The following SETDB2 variants were observed in gnomAD, a reference collection of about 807,000 sequenced individuals.
SETDB2 encodes SET domain bifurcated histone lysine methyltransferase 2.
In SETDB2, 56 loss-of-function variants were observed where a neutral mutation model predicts 82.5. That is an observed-to-expected ratio of 0.68 (90% CI 0.55 to 0.85). The LOEUF is 0.85. Among genes scored for constraint, SETDB2 ranks in the 40% least tolerant of loss-of-function variants. The pLI is 0.00. For synonymous variants in SETDB2, 272 were observed against 284.9 expected, an observed-to-expected ratio of 0.95 and a Z score of 0.46; for missense variants, 677 against 816.4, an observed-to-expected ratio of 0.83 and a Z score of 2.08.
At chr13:49,461,674 G>A (rs558300195) in intron 4 of SETDB2, among the ~76,000 whole-genome samples, 1 of 152,294 alleles carries the variant, frequency 6.6e-6, no homozygotes, top group East Asian at 1.9e-4. Flanking sequence ...TCCATGCCAT[G>A]CAATTCTCCA....
In SETDB2 at chr13:49,477,139, C is replaced by T; in HGVS notation, c.869+100C>T. ...TTAATTTGTCTATCTAAAACCTGTT[C>T]AAGAGTTACAGTAAGACTGGGCGTG... On this transcript the variant is annotated intron_variant, in intron 6 of 13. Transcript: ENST00000611815. The T allele has an allele frequency of 6.1e-6, 7 of 1,140,266 alleles. 1 individual carries two copies. In the South Asian group the frequency reaches 1.2e-4, roughly 19 times the overall value. 70.6% of individuals were successfully genotyped at this position (1,140,266 alleles called of 1,614,324 possible). A position where few individuals can be genotyped will look rare whatever the true frequency, so the allele number is the denominator to read the frequency against.
intron 1 of SETDB2, chr13:49,445,977 C>T (rs1957674950): frequency 5.9e-6 from 1 of 170,026 alleles, no homozygotes; most frequent in Non-Finnish European, 1.2e-5. Flanking sequence ...CGGTGGGTGG[C>T]TCACATCTAT....
chr13:49,446,568 G>T, intron 1 of SETDB2: 2 of 314,398 alleles, frequency 6.4e-6, no homozygotes, highest in South Asian at 5.1e-5. Context: ...TCATTCTGTA[G>T]CTTTATTTCT....
rs370178131 is a variant in SETDB2 at position 49,490,934 on chromosome 13, T to C, written c.2006+24T>C. On this transcript the variant is annotated intron_variant, in intron 13 of 13. Coordinates refer to ENST00000611815, the MANE Select transcript of SETDB2 (RefSeq NM_001160308.3). ...AGGTTTGAAATTGATTTCGCTTACTTAATTCTGAAATTGTGACTTTAAAAA... is the reference window on the plus strand; with the variant it reads ...AGGTTTGAAATTGATTTCGCTTACTCAATTCTGAAATTGTGACTTTAAAAA... 3.2e-6 allele frequency: 5 copies of C among 1,569,660 alleles called. No individual in the cohort carries two copies. The African/African-American group carries it at 6.7e-5, about 21-fold the overall frequency.
chr13:49,455,473 T>TA, intron 2 of SETDB2, among the ~76,000 whole-genome samples: 1 of 152,312 alleles, frequency 6.6e-6, no homozygotes, highest in South Asian at 2.1e-4. Flanking sequence ...CTCAGTGAAT[T>TA]ATGCAGATCT....
Position 49,485,663 on chromosome 13 carries a change from GATA to G in SETDB2, c.1519_1521del (p.Asn507del). ...TTCCTCGGAGTCTGTCACTCCAGAA[GATA>G]ATGATGGATTTAAACCACCCCGAGA... On this transcript the variant is annotated inframe_deletion, in exon 11 of 14. Coordinates refer to ENST00000611815, the MANE Select transcript of SETDB2 (RefSeq NM_001160308.3). The G allele has an allele frequency of 1.9e-6, 3 of 1,613,992 alleles. No homozygotes were observed. The highest frequency in any genetic ancestry group is 1.7e-6 in the Non-Finnish European group (2 of 1,179,978).
chr13:49,481,339 T>G (rs916724974), intron 8 of SETDB2, among the ~76,000 whole-genome samples: 3 of 152,108 alleles, frequency 2.0e-5, no homozygotes, highest in Non-Finnish European at 4.4e-5. Context: ...AGATGACACT[T>G]GGGTTTTTGT....
intron 10 of SETDB2, among the ~76,000 whole-genome samples, chr13:49,484,956 T>C (rs995059909): frequency 2.0e-5 from 3 of 152,238 alleles, no homozygotes; most frequent in Non-Finnish European, 4.4e-5. Flanking sequence ...TACATTTCTT[T>C]TATCTGTAAA....
At chr13:49,466,033 C>G (rs1163264108) in intron 4 of SETDB2, among the ~76,000 whole-genome samples, 1 of 152,200 alleles carries the variant, frequency 6.6e-6, no homozygotes, top group African/African-American at 2.4e-5. Flanking sequence ...ATTTGATTGG[C>G]TACTGTTGAT....
intron 5 of SETDB2, among the ~76,000 whole-genome samples, chr13:49,470,386 G>T (rs1958204168): frequency 6.6e-6 from 1 of 152,130 alleles, no homozygotes; most frequent in South Asian, 2.1e-4. Context: ...TTCTTGACTG[G>T]AATTATGTTT....
At chr13:49,446,441 CTT>C (rs1957691077) in intron 1 of SETDB2, 1 of 455,746 alleles carries the variant, frequency 2.2e-6, no homozygotes, top group Non-Finnish European at 4.4e-6. Context: ...CCGCTGGAGA[CTT>C]TGGTACAGAG....
intron 10 of SETDB2, among the ~76,000 whole-genome samples, chr13:49,484,956 T>G (rs995059909): frequency 6.6e-6 from 1 of 152,238 alleles, no homozygotes; most frequent in East Asian, 1.9e-4. Flanking sequence ...TACATTTCTT[T>G]TATCTGTAAA....
rs983326712 is a variant in SETDB2, at chr13:49,483,457, T to G, written c.1383-7T>G. ...GTGATACAGAATAACTTTTTTTTCCTTTTTAGGGAAACGAAATATGATAAT... is the reference window on the plus strand; with the variant it reads ...GTGATACAGAATAACTTTTTTTTCCGTTTTAGGGAAACGAAATATGATAAT... On this transcript the variant is annotated splice_polypyrimidine_tract_variant and splice_region_variant and intron_variant, in intron 9 of 13. Transcript: ENST00000611815. 1.7e-5 allele frequency: 21 copies of G among 1,256,810 alleles called. No homozygotes were observed. The highest frequency in any genetic ancestry group is 2.3e-5 in the Non-Finnish European group (21 of 906,892). The allele number at this position is 1,256,810 out of a possible 1,614,324, so 77.9% of individuals were successfully genotyped here. A position where few individuals can be genotyped will look rare whatever the true frequency, so the allele number is the denominator to read the frequency against.
rs752743749 is a variant in SETDB2 at position 49,480,342 on chromosome 13, T to G, written c.986+7T>G. The G allele has an allele frequency of 1.4e-5, 22 of 1,545,516 alleles. No homozygotes were observed. The South Asian group carries it at 2.4e-4, about 17-fold the overall frequency. On this transcript the variant is annotated splice_region_variant and intron_variant, in intron 7 of 13. Coordinates refer to ENST00000611815, the MANE Select transcript of SETDB2 (RefSeq NM_001160308.3). ...AGAGACAGATTCCTACTGGGTAAGGTACCTTGAGGATTTGTTGCAGGGTGT... is the reference window on the plus strand; with the variant it reads ...AGAGACAGATTCCTACTGGGTAAGGGACCTTGAGGATTTGTTGCAGGGTGT...
intron 7 of SETDB2, 128 bp downstream of exon 7, chr13:49,480,463 A>T: frequency 1.6e-6 from 1 of 609,656 alleles, no homozygotes; most frequent in East Asian, 2.8e-5. Flanking sequence ...AATCTAAATT[A>T]TTAAGGAATA....
chr13:49,482,713 A>G (rs766796550), intron 8 of SETDB2, 24 bp from the exon 9 acceptor site: 74 of 1,489,978 alleles, frequency 5.0e-5, no homozygotes, highest in Non-Finnish European at 6.8e-5. Context: ...GTGTTGTTCA[A>G]ACTCTTTAAC....
chr13:49,453,721 T>TA (rs1957825890), intron 2 of SETDB2, among the ~76,000 whole-genome samples: 1 of 152,214 alleles, frequency 6.6e-6, no homozygotes, highest in Non-Finnish European at 1.5e-5. Flanking sequence ...GTATATTTCT[T>TA]ACGCATCTTA....
intron 2 of SETDB2, among the ~76,000 whole-genome samples, chr13:49,455,914 C>T (rs1475222685): frequency 9.9e-5 from 15 of 151,950 alleles, no homozygotes; most frequent in Non-Finnish European, 2.9e-5. Context: ...TAAAGGTGTA[C>T]TTAGATGAAA....
chr13:49,451,478 CATATATATATATATAT>C (rs57949515), intron 1 of SETDB2, 59 bp from the exon 2 acceptor site: 2 of 140,494 alleles, frequency 1.4e-5, no homozygotes, highest in African/African-American at 2.6e-5. Context: ...CTTATATATA[CATATATATATATATAT>C]ATATATATAT....
Sources: allele counts gnomAD v4.1 joint callset (sites outside exome capture counted in the v4.1 genomes callset), GRCh38; gene constraint gnomAD v4.1.1; transcripts MANE v1.5; gene names NCBI Gene and HGNC (gene_info 2026-07-23, HGNC 2026-07-21).